The following MROH9 variants were observed in gnomAD, a reference collection of about 807,000 sequenced individuals.
MROH9 encodes maestro heat-like repeat-containing protein family member 9.
In MROH9, 92 loss-of-function variants were observed where a neutral mutation model predicts 98.2. The ratio of observed to expected loss-of-function variants is 0.94; its 90% CI spans 0.79 to 1.11. The LOEUF is 1.11. Ranked by LOEUF, MROH9 falls within the 50% of genes most tolerant of loss-of-function variation. The pLI is 0.00. For missense variants in MROH9, 1,057 were observed against 1,014.8 expected, an observed-to-expected ratio of 1.04 and a Z score of -0.57; for synonymous variants, 397 against 368.9, an observed-to-expected ratio of 1.08 and a Z score of -0.87.
intron 20 of MROH9, among the ~76,000 whole-genome samples, chr1:171,036,018 T>G (rs1382374428): frequency 6.6e-6 from 1 of 152,144 alleles, no homozygotes; most frequent in East Asian, 1.9e-4. Flanking sequence ...TAGATGAATA[T>G]ATTGATGTAG....
At chr1:171,013,300 C>G (rs1394343402) in intron 15 of MROH9, among the ~76,000 whole-genome samples, 1 of 152,176 alleles carries the variant, frequency 6.6e-6, no homozygotes, top group Non-Finnish European at 1.5e-5. Context: ...GAGCAGCATG[C>G]GAGCATTACC....
chr1:170,987,263 G>C (rs1651174984), intron 10 of MROH9, among the ~76,000 whole-genome samples: 1 of 152,140 alleles, frequency 6.6e-6, no homozygotes, highest in South Asian at 2.1e-4. Context: ...TGCCATATTT[G>C]CTTTAGAATT....
At chr1:171,018,685 G>A (rs781076787) in intron 17 of MROH9, among the ~76,000 whole-genome samples, 1 of 152,126 alleles carries the variant, frequency 6.6e-6, no homozygotes, top group Non-Finnish European at 1.5e-5. Context: ...CTGCTAACTA[G>A]AATAACCAGT....
intron 3 of MROH9, among the ~76,000 whole-genome samples, chr1:170,950,664 C>A (rs1649515966): frequency 6.6e-6 from 1 of 152,102 alleles, no homozygotes; most frequent in Non-Finnish European, 1.5e-5. Flanking sequence ...TACTGTACTG[C>A]ACATGCATGT....
chr1:171,043,713 A>C (rs1429788260), intron 20 of MROH9, among the ~76,000 whole-genome samples: 1 of 151,950 alleles, frequency 6.6e-6, no homozygotes, highest in Non-Finnish European at 1.5e-5. Flanking sequence ...GGTTAAATTA[A>C]TTACTAGGTC....
intron 20 of MROH9, among the ~76,000 whole-genome samples, chr1:171,056,960 A>G (rs1653857025): frequency 6.6e-6 from 1 of 152,240 alleles, no homozygotes; most frequent in Non-Finnish European, 1.5e-5. Context: ...ACTTCATCCA[A>G]GAGTCAGCAG....
rs1654104411 is a variant in MROH9 at position 171,064,309 on chromosome 1, G to A, written c.2555G>A (p.Ser852Asn). 6.5e-7 allele frequency: 1 copy of A among 1,542,780 alleles called. No homozygotes were observed. Among genetic ancestry groups the A allele is most frequent in the East Asian group, 2.4e-5 (1 of 40,872 alleles). The part of the protein sequence containing the change: ...PNGQIDSPTD[S>N]KDVKNDKAL The stretch of plus-strand genomic sequence containing the variant: ...GGCCAGATAGACAGTCCTACAGACA[G>A]TAAAGATGTCAAGAATGATAAGGCC... The change falls in exon 22 of 22, where the codon AGT becomes AAT. Residue 852 changes from serine (S) to asparagine (N), a missense_variant. Transcript: ENST00000367759.
chr1:171,053,487 A>G (rs1224716471), intron 20 of MROH9, among the ~76,000 whole-genome samples: 1 of 152,222 alleles, frequency 6.6e-6, no homozygotes, highest in South Asian at 2.1e-4. Flanking sequence ...GGAAGCAAAA[A>G]TAAATCCCCT....
At chr1:171,020,738 A>C (rs910819638) in intron 17 of MROH9, among the ~76,000 whole-genome samples, 1 of 152,216 alleles carries the variant, frequency 6.6e-6, no homozygotes, top group East Asian at 1.9e-4. Context: ...ACTCCTATGC[A>C]TCATAGTATT....
intron 17 of MROH9, among the ~76,000 whole-genome samples, chr1:171,017,687 C>A (rs1462055204): frequency 6.6e-6 from 1 of 152,144 alleles, no homozygotes; most frequent in Non-Finnish European, 1.5e-5. Context: ...ATCTCTATAG[C>A]TCTAGGCTAT....
intron 15 of MROH9, among the ~76,000 whole-genome samples, chr1:171,009,829 C>A (rs1188829426): frequency 6.6e-6 from 1 of 152,124 alleles, no homozygotes; most frequent in South Asian, 2.1e-4. Flanking sequence ...TTCCACAACC[C>A]AAAGAAGGGC....
At position 170,974,247 on chromosome 1, in the gene MROH9, CAAATT is replaced by C. The variant is rs150862451; in HGVS notation, c.616+2368_616+2372del. Among the ~76,000 whole-genome samples the C allele has an allele frequency of 7.1e-3, 1,075 of 152,012 alleles. 13 individuals are homozygous for C. The highest frequency in any genetic ancestry group is 0.024 in the African/African-American group (993 of 41,468). On this transcript the variant is annotated intron_variant, in intron 8 of 21. Transcript: ENST00000367759. Reference sequence around the variant, plus strand: ...AAGTGAGAAAGTGAGGACAGAAAAACAAATTAAAGAATAATGACTGAAAAATTTTC... The same window carrying C: ...AAGTGAGAAAGTGAGGACAGAAAAACAAAGAATAATGACTGAAAAATTTTC...
chr1:170,937,843 C>A (rs975573308), intron 1 of MROH9, among the ~76,000 whole-genome samples: 1 of 152,134 alleles, frequency 6.6e-6, no homozygotes, highest in Non-Finnish European at 1.5e-5. Context: ...ATTTTTAACT[C>A]CCTTTTTCTA....
rs1571456647 is a variant in MROH9 at position 170,965,182 on chromosome 1, C to T, written c.407C>T (p.Ser136Leu). Residue 136 changes from serine (S) to leucine (L), a missense_variant, in exon 7 of 22, where the codon TCA becomes TTA. Transcript: ENST00000367759. ...CTCGTGTGGATGAGTAAAGATAGCTCATATCTGCAAGAGAGAATAATGGTG... is the reference window on the plus strand; with the variant it reads ...CTCGTGTGGATGAGTAAAGATAGCTTATATCTGCAAGAGAGAATAATGGTG... ...EMLVWMSKDS[S>L]YLQERIMVII... The T allele has an allele frequency of 8.1e-6, 13 of 1,610,906 alleles. No individual in the cohort carries two copies. The highest frequency in any genetic ancestry group is 1.7e-5 in the Admixed American group (1 of 59,824).
intron 20 of MROH9, among the ~76,000 whole-genome samples, chr1:171,028,633 A>C (rs1056746102): frequency 6.6e-6 from 1 of 152,194 alleles, no homozygotes; most frequent in African/African-American, 2.4e-5. Context: ...GGCCATTTTC[A>C]CAATATTGAT....
At chr1:170,945,123 C>A (rs1649274328) in intron 1 of MROH9, among the ~76,000 whole-genome samples, 1 of 151,788 alleles carries the variant, frequency 6.6e-6, no homozygotes. Context: ...CCGCAGACGG[C>A]TTCTAGATGC....
intron 3 of MROH9, among the ~76,000 whole-genome samples, chr1:170,954,735 A>AT (rs1472279672): frequency 6.6e-6 from 1 of 151,864 alleles, no homozygotes; most frequent in Non-Finnish European, 1.5e-5. Context: ...TCTCACTGTG[A>AT]TTTTAATTTG....
At chr1:171,010,172 C>A (rs1164572141) in intron 15 of MROH9, among the ~76,000 whole-genome samples, 1 of 152,118 alleles carries the variant, frequency 6.6e-6, no homozygotes, top group Non-Finnish European at 1.5e-5. Context: ...TTGTTCAACT[C>A]CCACTTATGA....
At chr1:170,940,357 A>G (rs1244908442) in intron 1 of MROH9, among the ~76,000 whole-genome samples, 3 of 152,206 alleles carry the variant, frequency 2.0e-5, no homozygotes, top group Non-Finnish European at 4.4e-5. Flanking sequence ...AGAAGATCCA[A>G]TAAGCATAAT....
Sources: allele counts gnomAD v4.1 joint callset (sites outside exome capture counted in the v4.1 genomes callset), GRCh38; gene constraint gnomAD v4.1.1; transcripts MANE v1.5; gene names NCBI Gene and HGNC (gene_info 2026-07-23, HGNC 2026-07-21).